CACNA2D1: variants seen among roughly 807,000 people sequenced by gnomAD.
The protein encoded by CACNA2D1 is voltage-dependent calcium channel subunit alpha-2/delta-1.
Under a neutral mutation model 171.5 loss-of-function variants are expected in CACNA2D1, and 53 were observed. The observed-to-expected ratio is 0.31, with a 90% CI of 0.25 to 0.39. CACNA2D1 has a LOEUF of 0.39. Ranked by LOEUF, CACNA2D1 falls within the 10% of genes least tolerant of loss-of-function variation. The pLI is 1.00. For synonymous variants in CACNA2D1, 442 were observed against 443.1 expected, an observed-to-expected ratio of 1.00 and a Z score of 0.03; for missense variants, 903 against 1,299.8, an observed-to-expected ratio of 0.69 and a Z score of 4.69.
chr7:82,303,046 T>C (rs1280974830), intron 3 of CACNA2D1, among the ~76,000 whole-genome samples: 2 of 152,128 alleles, frequency 1.3e-5, no homozygotes, highest in South Asian at 2.1e-4. Context: ...CAGGCTGGAG[T>C]GCAGTGGTGC....
At chr7:82,202,263 G>A (rs1298320815) in intron 3 of CACNA2D1, among the ~76,000 whole-genome samples, 2 of 152,164 alleles carry the variant, frequency 1.3e-5, no homozygotes, top group Non-Finnish European at 2.9e-5. Context: ...AAGCCATGTC[G>A]AAATTCCCTA....
intron 1 of CACNA2D1, among the ~76,000 whole-genome samples, chr7:82,370,195 G>T (rs1432814170): frequency 6.6e-6 from 1 of 151,752 alleles, no homozygotes; most frequent in African/African-American, 2.4e-5. Context: ...AATGTACTAG[G>T]ACAAGAAAAT....
intron 4 of CACNA2D1, among the ~76,000 whole-genome samples, chr7:82,154,458 A>G (rs954107511): frequency 3.3e-5 from 5 of 152,164 alleles, no homozygotes; most frequent in African/African-American, 1.2e-4. Flanking sequence ...GGAACAACAC[A>G]CACCAGGGCC....
intron 1 of CACNA2D1, among the ~76,000 whole-genome samples, chr7:82,352,348 A>AT (rs938356916): frequency 6.6e-6 from 1 of 152,174 alleles, no homozygotes; most frequent in Non-Finnish European, 1.5e-5. Context: ...ATGAGCAAAA[A>AT]TTTTTTATCA....
intron 6 of CACNA2D1, among the ~76,000 whole-genome samples, chr7:82,113,056 C>T (rs902061466): frequency 6.6e-6 from 1 of 152,134 alleles, no homozygotes; most frequent in East Asian, 1.9e-4. Context: ...GGTATTTTTA[C>T]TTCTAAAACG....
At chr7:82,088,035 TTCTG>T (rs1272096742) in intron 6 of CACNA2D1, among the ~76,000 whole-genome samples, 4 of 152,152 alleles carry the variant, frequency 2.6e-5, no homozygotes, top group African/African-American at 9.7e-5. Flanking sequence ...CTATCTCTGT[TTCTG>T]TCTGTCTCTC....
intron 3 of CACNA2D1, among the ~76,000 whole-genome samples, chr7:82,269,616 C>T (rs1407068863): frequency 1.3e-5 from 2 of 152,142 alleles, no homozygotes; most frequent in Non-Finnish European, 2.9e-5. Context: ...CAATTTTCCC[C>T]ACTGCACTGT....
chr7:82,129,108 T>C (rs893269691), intron 5 of CACNA2D1, among the ~76,000 whole-genome samples: 3 of 152,178 alleles, frequency 2.0e-5, no homozygotes, highest in African/African-American at 4.8e-5. Flanking sequence ...TGTTTTCAAA[T>C]TCCCCTCATA....
intron 3 of CACNA2D1, among the ~76,000 whole-genome samples, chr7:82,302,989 GT>G (rs1434646014): frequency 6.6e-6 from 1 of 151,888 alleles, no homozygotes; most frequent in African/African-American, 2.4e-5. Context: ...TGTTTTTTCT[GT>G]TTTTTTGTTT....
At chr7:82,020,156 C>T (rs1801010656) in intron 12 of CACNA2D1, among the ~76,000 whole-genome samples, 2 of 152,162 alleles carry the variant, frequency 1.3e-5, no homozygotes, top group South Asian at 4.1e-4. Flanking sequence ...CCACCTTAGC[C>T]TATGAAAGCT....
intron 3 of CACNA2D1, among the ~76,000 whole-genome samples, chr7:82,256,018 T>G (rs955369021): frequency 2.0e-5 from 3 of 152,172 alleles, no homozygotes; most frequent in Non-Finnish European, 4.4e-5. Context: ...GGCTCACACC[T>G]GTAATCCCAG....
At chr7:82,008,985 T>C (rs995770694) in intron 15 of CACNA2D1, among the ~76,000 whole-genome samples, 3 of 152,270 alleles carry the variant, frequency 2.0e-5, no homozygotes, top group East Asian at 1.9e-4. Flanking sequence ...GGGTGCATGA[T>C]GATTGATATG....
intron 1 of CACNA2D1, among the ~76,000 whole-genome samples, chr7:82,384,735 A>C (rs916226365): frequency 3.3e-5 from 5 of 152,218 alleles, no homozygotes; most frequent in African/African-American, 9.6e-5. Context: ...AGAAATGTAA[A>C]GCTTGTTTGT....
chr7:82,191,240 AC>A (rs1798264367), intron 3 of CACNA2D1, among the ~76,000 whole-genome samples: 1 of 151,818 alleles, frequency 6.6e-6, no homozygotes, highest in Non-Finnish European at 1.5e-5. Context: ...TATTGATTGT[AC>A]TTTTTTAAAC....
intron 6 of CACNA2D1, among the ~76,000 whole-genome samples, chr7:82,108,845 T>G (rs1788053628): frequency 6.6e-6 from 1 of 152,198 alleles, no homozygotes; most frequent in African/African-American, 2.4e-5. Flanking sequence ...AGCTTAAAAT[T>G]TATATTCTCT....
At chr7:82,391,508 A>T (rs1825116365) in intron 1 of CACNA2D1, among the ~76,000 whole-genome samples, 1 of 152,194 alleles carries the variant, frequency 6.6e-6, no homozygotes, top group South Asian at 2.1e-4. Context: ...AAGGATACTG[A>T]TGTTGTGGCA....
chr7:81,957,047 TATTTAAGTCAG>T (rs1306793580), intron 38 of CACNA2D1, among the ~76,000 whole-genome samples: 1 of 152,126 alleles, frequency 6.6e-6, no homozygotes, highest in Non-Finnish European at 1.5e-5. Flanking sequence ...TCTAAAAAGT[TATTTAAGTCAG>T]ATTTATTTTA....
chr7:82,124,211 G>A (rs1182817648), intron 5 of CACNA2D1, among the ~76,000 whole-genome samples: 14 of 152,008 alleles, frequency 9.2e-5, no homozygotes, highest in Admixed American at 9.2e-4. Context: ...TTAGAGGCAG[G>A]GAACCTAAGG....
chr7:82,372,136 A>G (rs1489088686), intron 1 of CACNA2D1, among the ~76,000 whole-genome samples: 2 of 152,192 alleles, frequency 1.3e-5, no homozygotes, highest in Non-Finnish European at 2.9e-5. Context: ...AGAAAATGAA[A>G]TTAACTAAAC....
Sources: gnomAD v4.1 joint callset for allele counts (sites outside exome capture counted in the v4.1 genomes callset) on GRCh38, gnomAD v4.1.1 for gene constraint, MANE v1.5 for transcripts, NCBI Gene and HGNC (gene_info 2026-07-23, HGNC 2026-07-21) for gene names.